The following DNAJC1 variants were observed in gnomAD, a reference collection of about 807,000 sequenced individuals.
DNAJC1 encodes dnaJ homolog subfamily C member 1.
Under a neutral mutation model 76.6 loss-of-function variants are expected in DNAJC1, and 58 were observed. That is an observed-to-expected ratio of 0.76 (90% confidence interval 0.61 to 0.94). DNAJC1 has a LOEUF of 0.94. DNAJC1 is among the 40% of genes least tolerant of loss of function. The pLI, the probability that DNAJC1 is intolerant of heterozygous loss-of-function variation, is 0.00. For missense variants in DNAJC1, 689 were observed against 677.3 expected (o/e 1.02, Z -0.19); for synonymous variants, 258 against 267.9 (o/e 0.96, Z 0.36).
chr10:21,874,084 T>C (rs1471996874), intron 8 of DNAJC1, among the ~76,000 whole-genome samples: 1 of 152,072 alleles, frequency 6.6e-6, no homozygotes, highest in African/African-American at 2.4e-5. Context: ...AACAAATAAA[T>C]AGTATGTGAC....
chr10:21,882,784 T>C (rs536967688), intron 7 of DNAJC1, among the ~76,000 whole-genome samples: 2 of 152,302 alleles, frequency 1.3e-5, no homozygotes, highest in African/African-American at 2.4e-5. Context: ...TAAATAATAC[T>C]GGGCAAATAA....
At chr10:21,862,799 T>C (rs1425853202) in intron 8 of DNAJC1, among the ~76,000 whole-genome samples, 1 of 151,900 alleles carries the variant, frequency 6.6e-6, no homozygotes, top group Non-Finnish European at 1.5e-5. Flanking sequence ...AAGAAGGAAG[T>C]TCTCAAATCA....
At chr10:21,810,327 G>T (rs1834944696) in intron 8 of DNAJC1, among the ~76,000 whole-genome samples, 1 of 152,104 alleles carries the variant, frequency 6.6e-6, no homozygotes, top group African/African-American at 2.4e-5. Flanking sequence ...ATACCAATTG[G>T]CAAACCTTTG....
At chr10:21,902,633 A>T (rs1347875798) in intron 7 of DNAJC1, among the ~76,000 whole-genome samples, 2 of 152,120 alleles carry the variant, frequency 1.3e-5, no homozygotes, top group Non-Finnish European at 2.9e-5. Context: ...CTGTTTGAGA[A>T]TTACATCAAA....
chr10:21,837,421 G>C (rs1188884533), intron 8 of DNAJC1, among the ~76,000 whole-genome samples: 1 of 152,130 alleles, frequency 6.6e-6, no homozygotes, highest in African/African-American at 2.4e-5. Context: ...AGTCTGGGAA[G>C]TGAAGAGCGC....
chr10:21,975,023 A>G (rs1838039606), intron 1 of DNAJC1, among the ~76,000 whole-genome samples: 1 of 152,138 alleles, frequency 6.6e-6, no homozygotes, highest in South Asian at 2.1e-4. Flanking sequence ...TAAAATTATG[A>G]AAATGGTATG....
At chr10:21,833,573 G>T (rs900016984) in intron 8 of DNAJC1, among the ~76,000 whole-genome samples, 6 of 152,170 alleles carry the variant, frequency 3.9e-5, no homozygotes, top group East Asian at 1.9e-4. Context: ...AAGCAGTGTG[G>T]GAGAATTTAC....
At chr10:21,980,222 G>C (rs1384436723) in intron 1 of DNAJC1, among the ~76,000 whole-genome samples, 1 of 151,958 alleles carries the variant, frequency 6.6e-6, no homozygotes, top group African/African-American at 2.4e-5. Flanking sequence ...ATATTTCCTA[G>C]TTCTGTCCAT....
chr10:21,983,720 CAAA>C (rs35597471), intron 1 of DNAJC1, among the ~76,000 whole-genome samples: 11 of 113,748 alleles, frequency 9.7e-5, no homozygotes, highest in Non-Finnish European at 1.5e-4. Context: ...GATTCTGTCT[CAAA>C]AAAAAAAAAA....
chr10:21,876,760 A>T (rs941341965), intron 8 of DNAJC1, among the ~76,000 whole-genome samples: 1 of 152,204 alleles, frequency 6.6e-6, no homozygotes, highest in South Asian at 2.1e-4. Flanking sequence ...GGACACTTGG[A>T]TTATGATTAA....
intron 1 of DNAJC1, among the ~76,000 whole-genome samples, chr10:21,999,406 T>C (rs1245522268): frequency 6.6e-6 from 1 of 151,984 alleles, no homozygotes; most frequent in Non-Finnish European, 1.5e-5. Context: ...TTACTGGTCG[T>C]TCCTGCTCTA....
chr10:21,859,305 A>G (rs1835887564), intron 8 of DNAJC1, among the ~76,000 whole-genome samples: 1 of 152,188 alleles, frequency 6.6e-6, no homozygotes, highest in Non-Finnish European at 1.5e-5. Flanking sequence ...TGGCTATTGC[A>G]TATGACTAAA....
At chr10:21,796,255 C>A (rs990514860) in intron 9 of DNAJC1, among the ~76,000 whole-genome samples, 8 of 152,114 alleles carry the variant, frequency 5.3e-5, no homozygotes. Context: ...CAGGTGTGAG[C>A]CACCTCACCC....
intron 9 of DNAJC1, among the ~76,000 whole-genome samples, chr10:21,778,727 G>A (rs922985054): frequency 6.6e-6 from 1 of 152,186 alleles, no homozygotes; most frequent in African/African-American, 2.4e-5. Flanking sequence ...TCATCTCACT[G>A]GGGCTTGTCA....
In DNAJC1 at chr10:21,822,852, A is replaced by AT. The variant is rs1405957010; in HGVS notation, c.979-16754dup. Among the ~76,000 whole-genome samples the AT allele has an allele frequency of 2.0e-5, 3 of 151,774 alleles. No individual in the cohort carries two copies. In the East Asian group the frequency reaches 5.8e-4, roughly 29 times the overall value. On this transcript the variant is annotated intron_variant, in intron 8 of 11. Coordinates refer to ENST00000376980, the MANE Select transcript of DNAJC1 (RefSeq NM_022365.4). ...AAAATTCTAAAGATCAGGATAAGTGATTTTTATCCTGGAAAATAATTTCCT... is the reference window on the plus strand; with the variant it reads ...AAAATTCTAAAGATCAGGATAAGTGATTTTTTATCCTGGAAAATAATTTCCT...
intron 8 of DNAJC1, among the ~76,000 whole-genome samples, chr10:21,844,794 G>T (rs753416224): frequency 5.9e-5 from 9 of 152,164 alleles, no homozygotes; most frequent in Non-Finnish European, 1.3e-4. Context: ...CAACACTTTG[G>T]GAGGCCAAGG....
intron 1 of DNAJC1, among the ~76,000 whole-genome samples, chr10:21,988,583 T>G (rs1044130743): frequency 6.6e-6 from 1 of 152,192 alleles, no homozygotes; most frequent in Non-Finnish European, 1.5e-5. Context: ...CGCTTAATTC[T>G]ATGAAGCTAA....
At chr10:21,859,165 C>T (rs986809052) in intron 8 of DNAJC1, among the ~76,000 whole-genome samples, 6 of 152,254 alleles carry the variant, frequency 3.9e-5, no homozygotes, top group South Asian at 2.1e-4. Flanking sequence ...AATTTACCTA[C>T]GTTTGACTCT....
chr10:21,822,666 T>C (rs1835180755), intron 8 of DNAJC1, among the ~76,000 whole-genome samples: 1 of 152,058 alleles, frequency 6.6e-6, no homozygotes, highest in South Asian at 2.1e-4. Context: ...AATACAAGTG[T>C]TAAATTGTCA....
Sources: allele counts gnomAD v4.1 joint callset (sites outside exome capture counted in the v4.1 genomes callset), GRCh38; gene constraint gnomAD v4.1.1; transcripts MANE v1.5; gene names NCBI Gene and HGNC (gene_info 2026-07-23, HGNC 2026-07-21).